Variants in THTPA observed in about 807,000 individuals in gnomAD.
THTPA encodes thiamine triphosphatase.
In THTPA, 16 loss-of-function variants were observed where a neutral mutation model predicts 16.5. That is an observed-to-expected ratio of 0.97 (90% CI 0.66 to 1.47). The LOEUF is 1.47. Among genes scored for constraint, THTPA ranks in the 40% most tolerant of loss-of-function variants. The pLI is 0.00. For missense variants in THTPA, 281 were observed against 280.9 expected (o/e 1.00, Z 0.00); for synonymous variants, 110 against 115.5 (o/e 0.95, Z 0.30).
At chr14:23,525,290 G>C in the THTPA span, 1 of 1,536,116 alleles carries the variant, frequency 6.5e-7, no homozygotes, top group Non-Finnish European at 8.7e-7. This position sits in a 1 kb window ranked among gnomAD's most constrained non-coding sequence, Gnocchi z 5.9. Flanking sequence ...GACCAGGAAG[G>C]GTGGGCCCAG....
At chr14:23,530,920 T>C in the THTPA span, 1 of 187,068 alleles carries the variant, frequency 5.3e-6, no homozygotes, top group Non-Finnish European at 1.1e-5. Flanking sequence ...TCCTGTACCC[T>C]CTGGATCAAT....
chr14:23,523,358 G>T, the THTPA span: 5 of 1,472,632 alleles, frequency 3.4e-6, no homozygotes, highest in Non-Finnish European at 3.6e-6. The surrounding 1 kb of genome is among the most constrained non-coding windows in gnomAD (Gnocchi z 4.1). Context: ...GGGAGCCTCA[G>T]GTGCTGGGGC....
chr14:23,525,565 C>T, the THTPA span: 1 of 1,535,642 alleles, frequency 6.5e-7, no homozygotes, highest in South Asian at 1.2e-5. The surrounding 1 kb of genome is among the most constrained non-coding windows in gnomAD (Gnocchi z 5.9). Flanking sequence ...GCACAGCTTG[C>T]TTCCCTTCAT....
Position 23,556,450 on chromosome 14 carries a change from T to TATCA in THTPA, c.-308_-307insATCA. On this transcript the variant is annotated 5_prime_UTR_variant, in exon 1 of 2. In the 5' UTR this introduces an upstream ATG that the reference lacks. Transcript: ENST00000288014. ...GTGGCAAGGTGTAGAGAGGGGGGCGTTGAAAGGACACCCGCTACCCGGCCT... is the reference window on the plus strand; with the variant it reads ...GTGGCAAGGTGTAGAGAGGGGGGCGTATCATGAAAGGACACCCGCTACCCGGCCT... 2 of 336,502 alleles carry TATCA rather than the reference T, an allele frequency of 5.9e-6. No individual in the cohort carries two copies. The highest frequency in any genetic ancestry group is 5.5e-6 in the Non-Finnish European group (1 of 182,824). The allele number at this position is 336,502 out of a possible 1,614,324, so 20.8% of individuals were successfully genotyped here.
At chr14:23,522,683 A>C in the THTPA span, 1 of 1,536,578 alleles carries the variant, frequency 6.5e-7, no homozygotes, top group Non-Finnish European at 8.7e-7. Context: ...AGTGGTCTTC[A>C]ATGCTTTGAG....
chr14:23,555,186 G>T (rs186458598), upstream of THTPA, among the ~76,000 whole-genome samples: 45 of 151,950 alleles, frequency 3.0e-4, no homozygotes, highest in Non-Finnish European at 5.6e-4. Flanking sequence ...CGGCGGGCCG[G>T]GGGGGTTTCT....
the THTPA span, among the ~76,000 whole-genome samples, chr14:23,544,455 G>A: frequency 6.6e-6 from 1 of 152,168 alleles, no homozygotes; most frequent in African/African-American, 2.4e-5. Context: ...GATTGTATGT[G>A]GGGCAGCTGG....
the THTPA span, chr14:23,523,796 G>A: frequency 2.0e-6 from 3 of 1,536,102 alleles, no homozygotes; most frequent in African/African-American, 2.7e-5. This position sits in a 1 kb window ranked among gnomAD's most constrained non-coding sequence, Gnocchi z 4.1. Context: ...TCCCCCACTG[G>A]TCCCTCCAGC....
At chr14:23,557,441 GC>G in intron 1 of THTPA, 137 bp downstream of exon 1, 1 of 970,340 alleles carries the variant, frequency 1.0e-6, no homozygotes, top group Non-Finnish European at 1.5e-6. Flanking sequence ...TTGCCGTGTT[GC>G]CCAGGCTGGT....
the THTPA span, among the ~76,000 whole-genome samples, chr14:23,520,541 T>C: frequency 6.6e-6 from 1 of 152,280 alleles, no homozygotes; most frequent in African/African-American, 2.4e-5. This position sits in a 1 kb window ranked among gnomAD's most constrained non-coding sequence, Gnocchi z 8.7. Context: ...TTGGTGACAC[T>C]GACTTTTCTA....
chr14:23,555,293 C>T (rs562386985), upstream of THTPA, among the ~76,000 whole-genome samples: 3 of 152,252 alleles, frequency 2.0e-5, no homozygotes, highest in East Asian at 3.9e-4. Flanking sequence ...GCAACCGCAC[C>T]GGCCTTTCTG....
chr14:23,523,155 G>A, the THTPA span: 1 of 1,411,214 alleles, frequency 7.1e-7, no homozygotes, highest in Non-Finnish European at 9.2e-7. The surrounding 1 kb of genome is among the most constrained non-coding windows in gnomAD (Gnocchi z 4.1). Context: ...CATGTCATTA[G>A]AGGGGGATGT....
At chr14:23,533,484 C>G in the THTPA span, 1 of 1,535,952 alleles carries the variant, frequency 6.5e-7, no homozygotes, top group Non-Finnish European at 8.7e-7. The surrounding 1 kb of genome is among the most constrained non-coding windows in gnomAD (Gnocchi z 4.8). Context: ...GAGGGCCTGG[C>G]CCCATCAATC....
At chr14:23,544,384 G>A in the THTPA span, 72 of 152,234 alleles carry the variant, frequency 4.7e-4, no homozygotes, top group African/African-American at 1.7e-3. Context: ...AAATGGAAAT[G>A]GAATAATTAT....
the THTPA span, among the ~76,000 whole-genome samples, chr14:23,550,847 T>A: frequency 6.6e-6 from 1 of 151,872 alleles, no homozygotes; most frequent in Non-Finnish European, 1.5e-5. Flanking sequence ...CCCAGCGCGC[T>A]AGCCCATCCA....
chr14:23,525,363 A>G, the THTPA span: 4 of 1,536,120 alleles, frequency 2.6e-6, no homozygotes, highest in South Asian at 1.2e-5. This position sits in a 1 kb window ranked among gnomAD's most constrained non-coding sequence, Gnocchi z 5.9. Flanking sequence ...AGGGGCGGGT[A>G]TAGGCTGTCA....
chr14:23,554,912 G>A (rs894589514), upstream of THTPA, among the ~76,000 whole-genome samples: 5 of 152,086 alleles, frequency 3.3e-5, no homozygotes, highest in Non-Finnish European at 7.4e-5. Context: ...GTCCTCAGAG[G>A]GAGTAAGAAG....
At chr14:23,537,105 G>T in the THTPA span, among the ~76,000 whole-genome samples, 78 of 151,282 alleles carry the variant, frequency 5.2e-4, no homozygotes, top group Non-Finnish European at 8.3e-4. Context: ...GCACCATCGG[G>T]ACTGCACCAT....
chr14:23,544,790 C>A, the THTPA span, among the ~76,000 whole-genome samples: 2 of 152,220 alleles, frequency 1.3e-5, no homozygotes, highest in African/African-American at 4.8e-5. Context: ...ACTGGCCCTG[C>A]CAGCTGCAGC....
Sources: gnomAD v4.1 joint callset for allele counts (sites outside exome capture counted in the v4.1 genomes callset) on GRCh38, gnomAD v4.1.1 for gene constraint, Gnocchi (gnomAD v3.1) non-coding constraint, MANE v1.5 for transcripts, NCBI Gene and HGNC (gene_info 2026-07-23, HGNC 2026-07-21) for gene names.